Variants in KIF16B observed in about 807,000 individuals in gnomAD.
KIF16B encodes the protein kinesin family member 16B, also known as kinesin-like protein KIF16B.
KIF16B carries 98 observed loss-of-function variants against 156.3 expected under a neutral mutation model. The observed-to-expected ratio is 0.63, with a 90% CI of 0.53 to 0.74. KIF16B has a LOEUF of 0.74. Ranked by LOEUF, KIF16B falls within the 30% of genes least tolerant of loss-of-function variation. The pLI, the probability that KIF16B is intolerant of heterozygous loss-of-function variation, is 0.00. For missense variants in KIF16B, 1,421 were observed against 1,606.5 expected (o/e 0.88, Z 1.97); for synonymous variants, 564 against 583.7 (o/e 0.97, Z 0.49).
At chr20:16,478,211 GA>G (rs1391040054) in intron 12 of KIF16B, among the ~76,000 whole-genome samples, 4 of 152,092 alleles carry the variant, frequency 2.6e-5, no homozygotes, top group Non-Finnish European at 5.9e-5. Context: ...AAAACTAACA[GA>G]AAATTTTTTC....
chr20:16,362,563 T>C (rs1004171060), intron 22 of KIF16B, among the ~76,000 whole-genome samples: 2 of 152,154 alleles, frequency 1.3e-5, no homozygotes, highest in African/African-American at 4.8e-5. Context: ...GTCATTCCTA[T>C]AAAAAAATCA....
At chr20:16,343,184 CCTT>C (rs2064171210) in intron 23 of KIF16B, among the ~76,000 whole-genome samples, 1 of 152,142 alleles carries the variant, frequency 6.6e-6, no homozygotes, top group Non-Finnish European at 1.5e-5. Context: ...TGATACAAAT[CCTT>C]CTTTCCTGGG....
intron 23 of KIF16B, among the ~76,000 whole-genome samples, chr20:16,347,839 GC>G (rs1206590655): frequency 6.6e-6 from 1 of 152,106 alleles, no homozygotes; most frequent in Non-Finnish European, 1.5e-5. Flanking sequence ...AGATTCAGAC[GC>G]CAACACTCTA....
intron 3 of KIF16B, among the ~76,000 whole-genome samples, chr20:16,524,945 A>T (rs1382442045): frequency 6.6e-6 from 1 of 152,150 alleles, no homozygotes; most frequent in Non-Finnish European, 1.5e-5. Flanking sequence ...CAAACACCAG[A>T]TGTTCTCACT....
chr20:16,573,357 G>T lies in KIF16B; in HGVS notation c.-82C>A, dbSNP rs1201119898. ...CGGCGACGCTGGCTACTCAGATCGC[G>T]GCTCCCGCCCACTTCCCTCTCGCCC... On this transcript the variant is annotated 5_prime_UTR_variant, in exon 1 of 26. Transcript: ENST00000354981. The T allele has an allele frequency of 1.3e-5, 19 of 1,481,958 alleles. No individual in the cohort carries two copies. The Admixed American group carries it at 3.3e-4, about 26-fold the overall frequency. The allele number at this position is 1,481,958 out of a possible 1,614,324, so 91.8% of individuals were successfully genotyped here.
At chr20:16,395,471 T>G (rs1032487411) in intron 17 of KIF16B, among the ~76,000 whole-genome samples, 1 of 152,124 alleles carries the variant, frequency 6.6e-6, no homozygotes, top group African/African-American at 2.4e-5. Flanking sequence ...TGTTGTCATC[T>G]GGGGAGAAGC....
intron 1 of KIF16B, among the ~76,000 whole-genome samples, chr20:16,530,840 T>C (rs2069722053): frequency 6.6e-6 from 1 of 152,092 alleles, no homozygotes; most frequent in South Asian, 2.1e-4. Flanking sequence ...TAGCTTTGAC[T>C]ACAGGCACGC....
In KIF16B at chr20:16,573,197, C is replaced by T. The variant is rs1216887734; in HGVS notation, c.47+32G>A. ...AGGCTTCCTCTGGGTGGGGGCGCGA[C>T]GAGGGGGCGGGGCGCGGGCGGCCCC... On this transcript the variant is annotated intron_variant, in intron 1 of 25. Transcript: ENST00000354981. 5 of 1,548,714 alleles carry T rather than the reference C, an allele frequency of 3.2e-6. No individual in the cohort carries two copies. In the East Asian group the frequency reaches 9.6e-5, roughly 30 times the overall value.
intron 12 of KIF16B, among the ~76,000 whole-genome samples, chr20:16,479,046 C>T (rs548770032): frequency 7.9e-5 from 12 of 152,056 alleles, no homozygotes; most frequent in South Asian, 2.1e-4. Flanking sequence ...AAACAGAAAA[C>T]GAGTACAATG....
intron 24 of KIF16B, among the ~76,000 whole-genome samples, chr20:16,315,679 A>G (rs2063687212): frequency 6.6e-6 from 1 of 152,198 alleles, no homozygotes. Flanking sequence ...AGGAAGCAGG[A>G]TGGGGCTGGA....
chr20:16,531,472 G>A (rs2069745613), intron 1 of KIF16B, among the ~76,000 whole-genome samples: 2 of 152,196 alleles, frequency 1.3e-5, no homozygotes, highest in Admixed American at 1.3e-4. Flanking sequence ...CAGCCACTGT[G>A]AGAAAACCAG....
chr20:16,395,028 A>G (rs990240975), intron 17 of KIF16B, among the ~76,000 whole-genome samples: 1 of 151,110 alleles, frequency 6.6e-6, no homozygotes, highest in Non-Finnish European at 1.5e-5. Flanking sequence ...ACTAGATTCT[A>G]TGTCTGTTTT....
At chr20:16,377,478 G>GCCAA (rs2064983206) in intron 19 of KIF16B, among the ~76,000 whole-genome samples, 1 of 151,990 alleles carries the variant, frequency 6.6e-6, no homozygotes, top group Admixed American at 6.5e-5. Context: ...CAGCCACTTG[G>GCCAA]GTGGCTGGGG....
intron 12 of KIF16B, among the ~76,000 whole-genome samples, chr20:16,433,452 C>CTTT (rs1430988269): frequency 1.3e-5 from 2 of 151,986 alleles, no homozygotes; most frequent in Non-Finnish European, 2.9e-5. Flanking sequence ...ACTATTCTTT[C>CTTT]TTTTTTTAAC....
chr20:16,329,622 G>A lies in KIF16B; in HGVS notation c.3711+6304C>T, dbSNP rs1374307119. ...TGTGGCATTATCACTTTACAGACGT[G>A]AACTGGAAAACACAGGTTTAATTTG... On this transcript the variant is annotated intron_variant, in intron 24 of 25. Coordinates refer to ENST00000354981, the MANE Select transcript of KIF16B (RefSeq NM_024704.5). Among the ~76,000 whole-genome samples, 3 of 152,214 alleles carry A rather than the reference G, an allele frequency of 2.0e-5. No homozygotes were observed. The East Asian group carries it at 5.8e-4, about 29-fold the overall frequency.
At chr20:16,377,464 G>T (rs1321335725) in intron 19 of KIF16B, among the ~76,000 whole-genome samples, 1 of 151,096 alleles carries the variant, frequency 6.6e-6, no homozygotes, top group African/African-American at 2.5e-5. Context: ...TGCACCTGGG[G>T]TCCCAGCCAC....
rs142836206 is a variant in KIF16B, at chr20:16,280,532, G to A, written c.3796-7121C>T. On this transcript the variant is annotated intron_variant, in intron 25 of 25. Transcript: ENST00000354981. ...TGCAGGTACTTCGTACAAAGTTTCC[G>A]GTTCATGAGCTTATGTGAGCCCCTA... Among the ~76,000 whole-genome samples the A allele has an allele frequency of 8.1e-4, 123 of 152,266 alleles. No homozygotes were observed. In the East Asian group the frequency reaches 0.015, roughly 19 times the overall value.
chr20:16,407,159 C>A (rs2065807145), intron 15 of KIF16B, among the ~76,000 whole-genome samples: 1 of 152,142 alleles, frequency 6.6e-6, no homozygotes, highest in Non-Finnish European at 1.5e-5. Flanking sequence ...TGGGAAGAGG[C>A]AAATTTCAGC....
At chr20:16,430,849 GTA>G (rs150403788) in intron 12 of KIF16B, among the ~76,000 whole-genome samples, 43 of 146,690 alleles carry the variant, frequency 2.9e-4, no homozygotes, top group Admixed American at 3.4e-4. Flanking sequence ...GTGTGTGTAT[GTA>G]TATATATATA....
Sources: gnomAD v4.1 joint callset for allele counts (sites outside exome capture counted in the v4.1 genomes callset) on GRCh38, gnomAD v4.1.1 for gene constraint, MANE v1.5 for transcripts, NCBI Gene and HGNC (gene_info 2026-07-23, HGNC 2026-07-21) for gene names.